DDR2: variants seen among roughly 807,000 people sequenced by gnomAD.
DDR2 encodes discoidin domain receptor tyrosine kinase 2.
A neutral mutation model predicts 94.9 loss-of-function variants in DDR2; 27 were observed. The ratio of observed to expected loss-of-function variants is 0.28; its 90% CI spans 0.21 to 0.39. DDR2 has a LOEUF of 0.39. DDR2 is among the 10% of genes least tolerant of loss of function. The pLI, the probability that DDR2 is intolerant of heterozygous loss-of-function variation, is 1.00. For synonymous variants in DDR2, 382 were observed against 377.2 expected, an observed-to-expected ratio of 1.01 and a Z score of -0.15; for missense variants, 783 against 1,076.0, an observed-to-expected ratio of 0.73 and a Z score of 3.81.
intron 8 of DDR2, among the ~76,000 whole-genome samples, chr1:162,760,288 C>T (rs1663650756): frequency 6.6e-6 from 1 of 151,388 alleles, no homozygotes; most frequent in Non-Finnish European, 1.5e-5. Flanking sequence ...TAAAAATGCT[C>T]TAATTTCTTT....
chr1:162,649,150 G>A (rs757204844), intron 1 of DDR2, among the ~76,000 whole-genome samples: 20 of 152,078 alleles, frequency 1.3e-4, no homozygotes, highest in Admixed American at 2.0e-4. Flanking sequence ...CCACAGTTCC[G>A]TGGTCAAATT....
At chr1:162,693,297 G>A (rs1312300141) in intron 2 of DDR2, among the ~76,000 whole-genome samples, 3 of 152,140 alleles carry the variant, frequency 2.0e-5, no homozygotes, top group Non-Finnish European at 4.4e-5. Flanking sequence ...TGCAATTTGT[G>A]TACTTTTCTG....
intron 16 of DDR2, chr1:162,777,852 G>A (rs1201691664): frequency 6.6e-6 from 1 of 152,496 alleles, no homozygotes; most frequent in African/African-American, 2.4e-5. Context: ...CATTAATATG[G>A]TCACCCCTAG....
At chr1:162,757,663 A>G (rs1393069949) in intron 7 of DDR2, among the ~76,000 whole-genome samples, 1 of 152,144 alleles carries the variant, frequency 6.6e-6, no homozygotes, top group Non-Finnish European at 1.5e-5. Context: ...AAAGCTGAGG[A>G]AGGACATGAT....
At chr1:162,631,219 T>TGC (rs1280538563), upstream of DDR2, among the ~76,000 whole-genome samples, 6 of 118,166 alleles carry the variant, frequency 5.1e-5, no homozygotes, top group African/African-American at 1.8e-4. Flanking sequence ...TGTGTGTGTG[T>TGC]GTGTGTGCGC....
At chr1:162,708,570 A>T (rs1051560880) in intron 2 of DDR2, among the ~76,000 whole-genome samples, 7 of 152,174 alleles carry the variant, frequency 4.6e-5, no homozygotes, top group Non-Finnish European at 1.0e-4. Context: ...GCGTAATCAC[A>T]TCACTGCCCC....
At chr1:162,677,591 C>A (rs77829725) in intron 2 of DDR2, among the ~76,000 whole-genome samples, 3 of 152,074 alleles carry the variant, frequency 2.0e-5, no homozygotes, top group African/African-American at 7.3e-5. Flanking sequence ...CAAGGGAGGA[C>A]TTCTAGCTTT....
intron 1 of DDR2, among the ~76,000 whole-genome samples, chr1:162,645,765 T>G (rs1657376809): frequency 6.6e-6 from 1 of 152,212 alleles, no homozygotes; most frequent in African/African-American, 2.4e-5. Context: ...GAATGTCAGT[T>G]TCTATGAGGT....
intron 1 of DDR2, among the ~76,000 whole-genome samples, chr1:162,642,349 C>T (rs1657178744): frequency 6.6e-6 from 1 of 151,564 alleles, no homozygotes; most frequent in African/African-American, 2.4e-5. Flanking sequence ...CCTGGCTCAC[C>T]ACAACCTCCA....
At chr1:162,730,458 GC>G (rs1285478694) in intron 3 of DDR2, among the ~76,000 whole-genome samples, 2 of 152,168 alleles carry the variant, frequency 1.3e-5, no homozygotes, top group Non-Finnish European at 2.9e-5. Flanking sequence ...CTTATGATTG[GC>G]ATTTCAAGGG....
rs772737087 is a variant in DDR2 at position 162,775,609 on chromosome 1, C to G, written c.1857-43C>G. The G allele has an allele frequency of 2.5e-6, 4 of 1,605,346 alleles. No individual in the cohort carries two copies. The Admixed American group carries it at 6.7e-5, about 27-fold the overall frequency. ...GCATTCTTCTCTCTCTTGATTCTGA[C>G]TCTGGCAACTTCTGAGTTTATCTAT... On this transcript the variant is annotated intron_variant, in intron 14 of 17. Coordinates refer to ENST00000367921, the MANE Select transcript of DDR2 (RefSeq NM_006182.4).
chr1:162,764,252 G>A (rs1403874194), intron 9 of DDR2, among the ~76,000 whole-genome samples: 1 of 152,108 alleles, frequency 6.6e-6, no homozygotes, highest in East Asian at 1.9e-4. Flanking sequence ...CACTACTTTT[G>A]ATTGAACAGT....
chr1:162,662,394 T>C (rs1286163630), intron 2 of DDR2, among the ~76,000 whole-genome samples: 1 of 152,188 alleles, frequency 6.6e-6, no homozygotes, highest in African/African-American at 2.4e-5. Flanking sequence ...CCACCCCAGC[T>C]TCCTTCCCTG....
At chr1:162,764,392 T>TAAAA (rs375251287) in intron 9 of DDR2, among the ~76,000 whole-genome samples, 234 of 122,570 alleles carry the variant, frequency 1.9e-3, no homozygotes, top group Non-Finnish European at 2.9e-3. Context: ...CAGAATGCTT[T>TAAAA]AAAAAAAAAA....
At chr1:162,776,413 G>A (rs762820624) in intron 16 of DDR2, 43 bp downstream of exon 16, 5 of 1,602,324 alleles carry the variant, frequency 3.1e-6, no homozygotes, top group Non-Finnish European at 4.3e-6. Flanking sequence ...CAACTGGCTT[G>A]TGGGCTCACA....
intron 3 of DDR2, among the ~76,000 whole-genome samples, chr1:162,726,847 T>C (rs1661691783): frequency 6.6e-6 from 1 of 152,032 alleles, no homozygotes; most frequent in African/African-American, 2.4e-5. Context: ...GGCCATTAGG[T>C]CCGTGCATCA....
chr1:162,697,430 C>T (rs1028282152), intron 2 of DDR2, among the ~76,000 whole-genome samples: 3 of 152,158 alleles, frequency 2.0e-5, no homozygotes, highest in African/African-American at 7.2e-5. Context: ...TCGGGTTAGA[C>T]CTACTTTGAG....
chr1:162,686,731 C>G (rs1659708241), intron 2 of DDR2, among the ~76,000 whole-genome samples: 1 of 151,992 alleles, frequency 6.6e-6, no homozygotes, highest in Non-Finnish European at 1.5e-5. Flanking sequence ...CGATATATAC[C>G]CAGTAATGGG....
At chr1:162,730,033 T>C (rs921176559) in intron 3 of DDR2, among the ~76,000 whole-genome samples, 2 of 139,620 alleles carry the variant, frequency 1.4e-5, no homozygotes, top group Non-Finnish European at 3.0e-5. Context: ...TAAGCCACCA[T>C]GCCTGGCTTT....
Sources: allele counts gnomAD v4.1 joint callset (sites outside exome capture counted in the v4.1 genomes callset), GRCh38; gene constraint gnomAD v4.1.1; transcripts MANE v1.5; gene names NCBI Gene and HGNC (gene_info 2026-07-23, HGNC 2026-07-21).